SETD2: variants seen among roughly 807,000 people sequenced by gnomAD.
The protein encoded by SETD2 is histone-lysine N-methyltransferase SETD2.
A neutral mutation model predicts 242.1 loss-of-function variants in SETD2; 31 were observed. The ratio of observed to expected loss-of-function variants is 0.13; its 90% CI spans 0.10 to 0.17. SETD2 has a LOEUF of 0.17. Among genes scored for constraint, SETD2 ranks in the 10% least tolerant of loss-of-function variants. The pLI is 1.00. For missense variants in SETD2, 2,481 were observed against 3,046.3 expected, an observed-to-expected ratio of 0.81 and a Z score of 4.37; for synonymous variants, 1,006 against 1,066.5, an observed-to-expected ratio of 0.94 and a Z score of 1.11.
chr3:47,125,463 T>TA (rs1040367697), intron 2 of SETD2, among the ~76,000 whole-genome samples: 4 of 151,844 alleles, frequency 2.6e-5, no homozygotes, highest in Non-Finnish European at 4.4e-5. Context: ...TTTTGGTTTT[T>TA]AAAAAAAACA....
intron 18 of SETD2, among the ~76,000 whole-genome samples, chr3:47,030,789 A>T (rs2038728566): frequency 6.6e-6 from 1 of 152,242 alleles, no homozygotes; most frequent in African/African-American, 2.4e-5. Context: ...ATCTGTCATA[A>T]TAAACCTGTA....
At chr3:47,162,615 G>A (rs1340267583) in intron 1 of SETD2, among the ~76,000 whole-genome samples, 2 of 152,322 alleles carry the variant, frequency 1.3e-5, no homozygotes, top group African/African-American at 4.8e-5. Context: ...ACCAATGTGA[G>A]AAGATGTGGC....
At chr3:47,032,219 GA>G in intron 18 of SETD2, among the ~76,000 whole-genome samples, 1 of 152,178 alleles carries the variant, frequency 6.6e-6, no homozygotes, top group African/African-American at 2.4e-5. Context: ...CCACCACCAA[GA>G]AGTAAAGCAG....
intron 12 of SETD2, among the ~76,000 whole-genome samples, chr3:47,072,354 G>T (rs984685088): frequency 2.6e-5 from 4 of 151,996 alleles, no homozygotes; most frequent in African/African-American, 9.7e-5. Flanking sequence ...TCCACCTTTT[G>T]TTATATAGAG....
chr3:47,027,138 A>G (rs1559642267), intron 18 of SETD2, among the ~76,000 whole-genome samples: 1 of 152,046 alleles, frequency 6.6e-6, no homozygotes, highest in Non-Finnish European at 1.5e-5. Flanking sequence ...GATCGAGATC[A>G]TTCTGGCTAA....
intron 7 of SETD2, 56 bp from the exon 8 acceptor site, chr3:47,101,611 T>TGTGTGA (rs1227263483): frequency 4.4e-5 from 35 of 792,546 alleles, no homozygotes; most frequent in Non-Finnish European, 7.6e-5. Context: ...TGTGTGTGTG[T>TGTGTGA]GTGTGTGTGT....
chr3:47,130,653 G>A (rs985074860), intron 1 of SETD2, among the ~76,000 whole-genome samples: 1 of 152,002 alleles, frequency 6.6e-6, no homozygotes, highest in Non-Finnish European at 1.5e-5. Flanking sequence ...GAAGTTAAGA[G>A]TATTAAACTT....
At chr3:47,098,222 G>T in intron 8 of SETD2, 141 bp from the exon 9 acceptor site, 2 of 632,002 alleles carry the variant, frequency 3.2e-6, no homozygotes, top group Non-Finnish European at 4.9e-6. Flanking sequence ...CAACAAGTCT[G>T]CTATTACTAA....
chr3:47,107,803 T>C lies in SETD2; in HGVS notation c.4716-1683A>G, dbSNP rs7651566. Among the ~76,000 whole-genome samples, 226 of 150,344 alleles carry C rather than the reference T, an allele frequency of 1.5e-3. 1 individual carries two copies. The highest frequency in any genetic ancestry group is 5.2e-3 in the African/African-American group (208 of 39,948). On this transcript the variant is annotated intron_variant, in intron 5 of 20. Transcript: ENST00000409792. ...CTGAAAAACACAGGAAGACCTCATC[T>C]TGACAAACAATAAAAAATTAAAAAA...
At chr3:47,023,850 G>A (rs1390758691) in intron 18 of SETD2, among the ~76,000 whole-genome samples, 1 of 152,130 alleles carries the variant, frequency 6.6e-6, no homozygotes, top group African/African-American at 2.4e-5. Context: ...AGGGACTTGA[G>A]CATCTTTAGA....
chr3:47,142,748 A>C (rs1276771377), intron 1 of SETD2, among the ~76,000 whole-genome samples: 1 of 151,158 alleles, frequency 6.6e-6, no homozygotes, highest in East Asian at 1.9e-4. Flanking sequence ...GCTCACTGCA[A>C]CCTCCGCCTC....
At chr3:47,095,185 G>C (rs976893392) in intron 9 of SETD2, among the ~76,000 whole-genome samples, 2 of 152,166 alleles carry the variant, frequency 1.3e-5, no homozygotes, top group African/African-American at 4.8e-5. Context: ...GCCTAGGCTG[G>C]AGTGCAGTGG....
chr3:47,022,348 T>C (rs1459928050), intron 18 of SETD2, among the ~76,000 whole-genome samples: 1 of 144,810 alleles, frequency 6.9e-6, no homozygotes, highest in East Asian at 2.1e-4. Flanking sequence ...ATAAAAAAAC[T>C]GAAAAATTAG....
intron 9 of SETD2, among the ~76,000 whole-genome samples, chr3:47,096,453 T>A (rs988673825): frequency 1.3e-5 from 2 of 151,830 alleles, no homozygotes; most frequent in Non-Finnish European, 2.9e-5. Context: ...ATGCCTGTAA[T>A]CCCAGCACTT....
intron 8 of SETD2, among the ~76,000 whole-genome samples, chr3:47,100,217 G>T (rs2042156208): frequency 6.6e-6 from 1 of 151,728 alleles, no homozygotes; most frequent in African/African-American, 2.4e-5. Flanking sequence ...TGAGATTACA[G>T]GCATGAGCCA....
intron 18 of SETD2, among the ~76,000 whole-genome samples, chr3:47,030,153 A>T (rs921585671): frequency 1.3e-5 from 2 of 152,198 alleles, no homozygotes; most frequent in African/African-American, 2.4e-5. Flanking sequence ...TGTCTTGAAA[A>T]AAAATAAAAT....
intron 6 of SETD2, 114 bp from the exon 7 acceptor site, chr3:47,103,537 G>T: frequency 1.3e-6 from 1 of 789,472 alleles, no homozygotes; most frequent in South Asian, 1.6e-5. Context: ...ATTGTGCTGC[G>T]AAACCTAACC....
At chr3:47,160,590 G>A (rs983212038) in intron 1 of SETD2, among the ~76,000 whole-genome samples, 2 of 151,876 alleles carry the variant, frequency 1.3e-5, no homozygotes, top group African/African-American at 4.8e-5. Context: ...GATTACCGAT[G>A]AAAGCCACCC....
intron 15 of SETD2, 33 bp downstream of exon 15, chr3:47,056,788 A>C: frequency 6.4e-7 from 1 of 1,572,666 alleles, no homozygotes; most frequent in Non-Finnish European, 8.7e-7. Context: ...AACAGACCAT[A>C]AAGCAGAAAA....
Sources: gnomAD v4.1 joint callset for allele counts (sites outside exome capture counted in the v4.1 genomes callset) on GRCh38, gnomAD v4.1.1 for gene constraint, MANE v1.5 for transcripts, NCBI Gene and HGNC (gene_info 2026-07-23, HGNC 2026-07-21) for gene names.